FGD4: variants seen among roughly 807,000 people sequenced by gnomAD.
FGD4 encodes FYVE, RhoGEF and PH domain-containing protein 4.
In FGD4, 42 loss-of-function variants were observed where a neutral mutation model predicts 102.0. The observed-to-expected ratio is 0.41, with a 90% CI of 0.32 to 0.53. FGD4 has a LOEUF of 0.53. Among genes scored for constraint, FGD4 ranks in the 20% least tolerant of loss-of-function variants. The pLI is 0.21. For missense variants in FGD4, 902 were observed against 1,078.2 expected, an observed-to-expected ratio of 0.84 and a Z score of 2.29; for synonymous variants, 380 against 375.7, an observed-to-expected ratio of 1.01 and a Z score of -0.13.
intron 1 of FGD4, among the ~76,000 whole-genome samples, chr12:32,562,554 C>G (rs565701703): frequency 3.2e-4 from 48 of 152,238 alleles, no homozygotes; most frequent in Non-Finnish European, 5.7e-4. Flanking sequence ...GCAGAGGACC[C>G]TGCGGCCTTC....
chr12:32,607,689 A>G (rs758159074), intron 7 of FGD4, among the ~76,000 whole-genome samples: 1 of 152,028 alleles, frequency 6.6e-6, no homozygotes, highest in Non-Finnish European at 1.5e-5. Flanking sequence ...TAATTTTTGT[A>G]TTTTTAGTAG....
chr12:32,608,233 T>G (rs1948912268), intron 8 of FGD4, 138 bp downstream of exon 8: 2 of 1,232,620 alleles, frequency 1.6e-6, no homozygotes, highest in Non-Finnish European at 2.3e-6. Flanking sequence ...TTGGAAATTG[T>G]TATCATCACT....
At chr12:32,600,587 TCTTTC>T (rs373494322) in intron 5 of FGD4, 76 of 366,816 alleles carry the variant, frequency 2.1e-4, no homozygotes, top group African/African-American at 5.3e-4. Context: ...TTTCTTTCTT[TCTTTC>T]TTTTTTTTTT....
At chr12:32,490,072 T>G (rs964051326) in intron 1 of FGD4, among the ~76,000 whole-genome samples, 4 of 152,166 alleles carry the variant, frequency 2.6e-5, no homozygotes, top group Non-Finnish European at 5.9e-5. Context: ...TTCCAGAAGC[T>G]TTACTATTTT....
At chr12:32,592,605 AT>A (rs201606025) in intron 4 of FGD4, among the ~76,000 whole-genome samples, 1,705 of 152,218 alleles carry the variant, frequency 0.011, 17 homozygotes, top group South Asian at 0.056. Context: ...TTTAAAAAAA[AT>A]ATCAGGCTAT....
At chr12:32,490,735 G>A (rs1944059656) in intron 1 of FGD4, among the ~76,000 whole-genome samples, 1 of 152,136 alleles carries the variant, frequency 6.6e-6, no homozygotes, top group Non-Finnish European at 1.5e-5. Context: ...CAGCTGGGAT[G>A]TATATATTCC....
chr12:32,617,367 G>A (rs548737560), intron 10 of FGD4, among the ~76,000 whole-genome samples: 4 of 152,252 alleles, frequency 2.6e-5, no homozygotes, highest in African/African-American at 4.8e-5. Context: ...CACAGAACGA[G>A]CACTAGAAAT....
At chr12:32,561,081 T>TTG (rs1944531063) in intron 1 of FGD4, among the ~76,000 whole-genome samples, 1 of 114,678 alleles carries the variant, frequency 8.7e-6, no homozygotes, top group African/African-American at 3.4e-5. Context: ...TTTTGTTTTT[T>TTG]TTTTTTTTTT....
chr12:32,442,036 T>G (rs944748915), intron 1 of FGD4, among the ~76,000 whole-genome samples: 2 of 143,484 alleles, frequency 1.4e-5, no homozygotes, highest in Admixed American at 7.1e-5. Flanking sequence ...TTCAGGAGTG[T>G]TGTTGTGTTT....
intron 14 of FGD4, among the ~76,000 whole-genome samples, chr12:32,631,571 C>T (rs915257925): frequency 7.6e-5 from 11 of 143,882 alleles, no homozygotes; most frequent in Non-Finnish European, 1.6e-4. Flanking sequence ...CTGGCGCGAT[C>T]TTGGCTCACT....
rs765606699 is a variant in FGD4 at position 32,575,765 on chromosome 12, A to G, written c.320-501A>G. Among the ~76,000 whole-genome samples the G allele has an allele frequency of 2.6e-5, 4 of 152,260 alleles. No homozygotes were observed. The South Asian group carries it at 8.3e-4, about 31-fold the overall frequency. ...TTTTGTTAAATGGGAAGAAGATGCT[A>G]TATTAATGCAACATTGTATTACTGT... is the stretch of plus-strand genomic sequence containing the variant. On this transcript the variant is annotated intron_variant, in intron 2 of 16. Transcript: ENST00000534526.
chr12:32,533,303 A>G (rs1375179363), intron 1 of FGD4, among the ~76,000 whole-genome samples: 1 of 152,226 alleles, frequency 6.6e-6, no homozygotes, highest in East Asian at 1.9e-4. Flanking sequence ...GAGAGAGGGA[A>G]CTACTGTGTC....
chr12:32,453,206 A>AT (rs1942839789), intron 1 of FGD4, among the ~76,000 whole-genome samples: 2 of 50,566 alleles, frequency 4.0e-5, no homozygotes, highest in Non-Finnish European at 5.3e-5. Context: ...TATATTATAT[A>AT]TATATATATA....
At chr12:32,504,787 G>A (rs944295530) in intron 1 of FGD4, among the ~76,000 whole-genome samples, 11 of 152,210 alleles carry the variant, frequency 7.2e-5, no homozygotes, top group African/African-American at 2.7e-4. Context: ...TGAGTAGGCA[G>A]CAAATCAACC....
At chr12:32,613,590 TACAAAAA>T (rs1949279043) in intron 10 of FGD4, among the ~76,000 whole-genome samples, 1 of 152,004 alleles carries the variant, frequency 6.6e-6, no homozygotes, top group South Asian at 2.1e-4. Context: ...TCCCTGTCTC[TACAAAAA>T]ATTTAAAAAT....
intron 1 of FGD4, among the ~76,000 whole-genome samples, chr12:32,527,290 G>A (rs189538243): frequency 2.0e-5 from 3 of 152,318 alleles, no homozygotes; most frequent in Admixed American, 1.3e-4. Context: ...CATACACGTC[G>A]AAGGGTGTCT....
At chr12:32,408,633 G>A (rs972313809) in intron 1 of FGD4, among the ~76,000 whole-genome samples, 4 of 150,874 alleles carry the variant, frequency 2.7e-5, no homozygotes, top group African/African-American at 4.9e-5. Context: ...GTGTGGATCT[G>A]CCTTGCTGCC....
intron 1 of FGD4, among the ~76,000 whole-genome samples, chr12:32,432,302 C>T (rs1353745315): frequency 6.6e-6 from 1 of 151,094 alleles, no homozygotes; most frequent in African/African-American, 2.4e-5. Context: ...CCTCGTGATC[C>T]GCCTGCCTCG....
intron 1 of FGD4, among the ~76,000 whole-genome samples, chr12:32,422,236 A>G (rs1263156729): frequency 6.7e-6 from 1 of 148,348 alleles, no homozygotes; most frequent in Non-Finnish European, 1.5e-5. Context: ...ATTTCATTCA[A>G]TCTAAAATGT....
Sources: gnomAD v4.1 joint callset for allele counts (sites outside exome capture counted in the v4.1 genomes callset) on GRCh38, gnomAD v4.1.1 for gene constraint, MANE v1.5 for transcripts, NCBI Gene and HGNC (gene_info 2026-07-23, HGNC 2026-07-21) for gene names.